The following FRYL variants were observed in gnomAD, a reference collection of about 807,000 sequenced individuals.
FRYL encodes the protein protein furry homolog-like.
A neutral mutation model predicts 351.2 loss-of-function variants in FRYL; 150 were observed. The ratio of observed to expected loss-of-function variants is 0.43; its 90% CI spans 0.37 to 0.49. FRYL has a LOEUF of 0.49. Among genes scored for constraint, FRYL ranks in the 20% least tolerant of loss-of-function variants. The pLI is 0.00. For missense variants in FRYL, 3,036 were observed against 3,619.3 expected, an observed-to-expected ratio of 0.84 and a Z score of 4.13; for synonymous variants, 1,153 against 1,257.1, an observed-to-expected ratio of 0.92 and a Z score of 1.75.
Position 48,515,235 on chromosome 4 carries a change from A to G in FRYL, c.7730T>C (p.Phe2577Ser). 1 of 1,611,712 alleles carries G rather than the reference A, an allele frequency of 6.2e-7. No individual in the cohort carries two copies. Among genetic ancestry groups the G allele is most frequent in the Admixed American group, 1.7e-5 (1 of 60,008 alleles). ...AATTATATAGGATCCTTCATCTTCA[A>G]AGGTTGTAACATGTTCCTCCTTTAA... ...SVLKEEHVTT[F>S]EDEGSYIIQE... The change falls in exon 56 of 64, where the codon TTT becomes TCT. Residue 2577 changes from phenylalanine to serine, a missense_variant. By Grantham distance (155) the Phe-to-Ser change is radical (BLOSUM62 -2). Transcript: ENST00000358350.
chr4:48,770,167 T>C (rs1359658488), intron 1 of FRYL, among the ~76,000 whole-genome samples: 7 of 152,204 alleles, frequency 4.6e-5, no homozygotes, highest in Admixed American at 3.9e-4. Flanking sequence ...ATTAATATGT[T>C]ATCTTATGTA....
intron 4 of FRYL, among the ~76,000 whole-genome samples, chr4:48,632,354 T>A (rs1753389484): frequency 6.7e-6 from 1 of 150,096 alleles, no homozygotes; most frequent in African/African-American, 2.4e-5. Context: ...ATTCTTCAAT[T>A]TGTTTAGAGT....
In FRYL at chr4:48,505,536, A is replaced by G; in HGVS notation, c.8463+11T>C. On this transcript the variant is annotated intron_variant, in intron 60 of 63. Coordinates refer to ENST00000358350, the MANE Select transcript of FRYL (RefSeq NM_015030.2). Reference sequence around the variant, plus strand: ...AAATGTATGTTGCAAAAACAGGAACAAGAAACTTACTTGTGCATCTGTGTT... The same window carrying G: ...AAATGTATGTTGCAAAAACAGGAACGAGAAACTTACTTGTGCATCTGTGTT... 6.4e-7 allele frequency: 1 copy of G among 1,572,944 alleles called. No homozygotes were observed. The highest frequency in any genetic ancestry group is 8.7e-7 in the Non-Finnish European group (1 of 1,146,142).
At chr4:48,748,118 T>G (rs1309570045) in intron 1 of FRYL, among the ~76,000 whole-genome samples, 1 of 152,010 alleles carries the variant, frequency 6.6e-6, no homozygotes, top group Non-Finnish European at 1.5e-5. Flanking sequence ...TGGTGGTGTG[T>G]GCCTGTAGTC....
intron 4 of FRYL, among the ~76,000 whole-genome samples, chr4:48,624,290 A>G (rs1751329180): frequency 6.6e-6 from 1 of 152,106 alleles, no homozygotes; most frequent in Non-Finnish European, 1.5e-5. Context: ...ACAAATATTG[A>G]GTTCCTTCTA....
chr4:48,536,472 C>T (rs117630268), intron 47 of FRYL, among the ~76,000 whole-genome samples: 2 of 152,322 alleles, frequency 1.3e-5, no homozygotes, highest in East Asian at 3.9e-4. Flanking sequence ...CCAAAATGTA[C>T]TGACTCTCAT....
intron 1 of FRYL, among the ~76,000 whole-genome samples, chr4:48,766,196 G>A (rs577263054): frequency 3.3e-5 from 5 of 152,172 alleles, no homozygotes; most frequent in Non-Finnish European, 5.9e-5. Context: ...TCACTGTGGC[G>A]TTATTCACAA....
At chr4:48,542,855 A>G (rs545224880) in intron 44 of FRYL, among the ~76,000 whole-genome samples, 24 of 152,066 alleles carry the variant, frequency 1.6e-4, no homozygotes, top group Non-Finnish European at 3.5e-4. Context: ...TGCCCTCCCT[A>G]CAGATTTCAC....
At chr4:48,601,997 T>C (rs780707692) in intron 13 of FRYL, 23 bp downstream of exon 13, 2 of 1,291,352 alleles carry the variant, frequency 1.5e-6, no homozygotes, top group Non-Finnish European at 2.2e-6. Flanking sequence ...TATTTACATA[T>C]CAGAAGTGTG....
intron 26 of FRYL, among the ~76,000 whole-genome samples, chr4:48,572,417 A>G (rs1355324443): frequency 6.6e-6 from 1 of 152,226 alleles, no homozygotes; most frequent in Non-Finnish European, 1.5e-5. Context: ...CCCCCATAAT[A>G]TAACTACACA....
intron 1 of FRYL, among the ~76,000 whole-genome samples, chr4:48,771,549 C>G (rs1403523847): frequency 6.6e-6 from 1 of 152,158 alleles, no homozygotes; most frequent in Non-Finnish European, 1.5e-5. Flanking sequence ...TTGAGTTAGA[C>G]TTAACAAGAC....
At chr4:48,544,100 C>T (rs1286092109) in intron 43 of FRYL, 103 bp from the exon 44 acceptor site, 1 of 910,492 alleles carries the variant, frequency 1.1e-6, no homozygotes, top group South Asian at 1.7e-5. Context: ...TAGCACACTT[C>T]CTGGCTCTCA....
intron 1 of FRYL, among the ~76,000 whole-genome samples, chr4:48,714,178 C>T (rs1485278747): frequency 1.3e-5 from 2 of 152,078 alleles, no homozygotes; most frequent in African/African-American, 4.8e-5. Flanking sequence ...AGGAAAGATT[C>T]AAAATTGACA....
chr4:48,677,417 G>GTT, intron 3 of FRYL, among the ~76,000 whole-genome samples: 1 of 143,954 alleles, frequency 6.9e-6, no homozygotes, highest in African/African-American at 2.5e-5. Flanking sequence ...GTGTGTTTTT[G>GTT]TTTTTTTTTT....
intron 3 of FRYL, among the ~76,000 whole-genome samples, chr4:48,642,917 C>A (rs1038810434): frequency 1.3e-5 from 2 of 152,114 alleles, no homozygotes; most frequent in Admixed American, 6.6e-5. Context: ...TAATCTTGGT[C>A]AAATTTAACC....
rs542531317 is a variant in FRYL at position 48,662,981 on chromosome 4, C to A, written c.-81+21692G>T. Among the ~76,000 whole-genome samples the A allele has an allele frequency of 3.4e-4, 51 of 152,142 alleles. 2 individuals carry two copies. The highest frequency in any genetic ancestry group is 6.8e-3 in the Middle Eastern group (2 of 294). The stretch of plus-strand genomic sequence containing the variant: ...CACTACAAAAAATAAAAAAGAAGTT[C>A]TTCAGGTGGAAAGAAAATCATGCAA... On this transcript the variant is annotated intron_variant, in intron 3 of 63. Transcript: ENST00000358350.
chr4:48,672,280 A>G (rs1762876341), intron 3 of FRYL, among the ~76,000 whole-genome samples: 2 of 152,214 alleles, frequency 1.3e-5, no homozygotes, highest in African/African-American at 4.8e-5. Context: ...TGGAAGTGCC[A>G]TCTCCTTCCT....
chr4:48,510,863 C>T lies in FRYL; in HGVS notation c.8267G>A (p.Cys2756Tyr), dbSNP rs1330745695. The T allele has an allele frequency of 1.9e-6, 3 of 1,612,760 alleles. No individual in the cohort carries two copies. The African/African-American group carries it at 4.0e-5, about 22-fold the overall frequency. ...SLEVMMLCSE[C>Y]PTVFVDAETL... is the part of the protein sequence containing the mutation. ...TTCAGCATCCACAAAGACTGTTGGG[C>T]ATTCTGAACACAGCATCATCACTTC... is the stretch of plus-strand genomic sequence containing the variant. Residue 2756 changes from cysteine to tyrosine, a missense_variant, in exon 58 of 64, where the codon TGC becomes TAC. Around this residue, in one of 7 missense-constraint regions of FRYL, gnomAD observed 1,987 missense variants for 2,311.7 expected, o/e 0.86. Transcript: ENST00000358350.
intron 3 of FRYL, among the ~76,000 whole-genome samples, chr4:48,645,114 A>G (rs541215419): frequency 1.5e-4 from 16 of 105,814 alleles, no homozygotes; most frequent in African/African-American, 5.5e-4. Context: ...ACCAGCAGTG[A>G]GCTTTCATTT....
Sources: gnomAD v4.1 joint callset for allele counts (sites outside exome capture counted in the v4.1 genomes callset) on GRCh38, gnomAD v4.1.1 for gene constraint, gnomAD v4.1.1 regional missense constraint, MANE v1.5 for transcripts, NCBI Gene and HGNC (gene_info 2026-07-23, HGNC 2026-07-21) for gene names.